The following RERG variants were observed in gnomAD, a reference collection of about 807,000 sequenced individuals.
The protein encoded by RERG is RAS like estrogen regulated growth inhibitor.
RERG carries 25 observed loss-of-function variants against 23.2 expected under a neutral mutation model. The ratio of observed to expected loss-of-function variants is 1.08; its 90% CI spans 0.79 to 1.50. The LOEUF (loss-of-function observed/expected upper bound fraction) is 1.50. Among genes scored for constraint, RERG ranks in the 40% most tolerant of loss-of-function variants. RERG has a pLI of 0.00. For missense variants in RERG, 253 were observed against 250.1 expected (o/e 1.01, Z -0.08); for synonymous variants, 81 against 89.1 (o/e 0.91, Z 0.51).
intron 3 of RERG, among the ~76,000 whole-genome samples, chr12:15,119,021 C>G (rs1863783136): frequency 6.7e-6 from 1 of 150,138 alleles, no homozygotes; most frequent in South Asian, 2.1e-4. Flanking sequence ...GGATGGAGAA[C>G]CCCTCTATGC....
At chr12:15,201,876 T>A (rs1865222507) in intron 2 of RERG, among the ~76,000 whole-genome samples, 1 of 151,672 alleles carries the variant, frequency 6.6e-6, no homozygotes, top group South Asian at 2.1e-4. Flanking sequence ...CAAAGTTAAA[T>A]AAGCTGATCA....
In RERG at chr12:15,109,281, A is replaced by C. The variant is rs141983767; in HGVS notation, c.429T>G (p.Ala143=). The C allele has an allele frequency of 6.2e-7, 1 of 1,614,046 alleles. No individual in the cohort carries two copies. The highest frequency in any genetic ancestry group is 8.5e-7 in the Non-Finnish European group (1 of 1,180,010). ...CAGTGCAGGCAGAGCACTCGTAAAA[A>C]GCACAAGCCAATTCTGTGGCCAGCT... is the stretch of plus-strand genomic sequence containing the variant. The part of the protein sequence containing the change: ...GEKLATELAC[A]FYECSACTGE... Residue 143 remains alanine (A), a synonymous_variant, in exon 5 of 5, where the codon GCT becomes GCG. Coordinates refer to ENST00000256953, the MANE Select transcript of RERG (RefSeq NM_032918.3).
At chr12:15,128,475 G>A (rs1483730112) in intron 2 of RERG, among the ~76,000 whole-genome samples, 1 of 152,162 alleles carries the variant, frequency 6.6e-6, no homozygotes, top group African/African-American at 2.4e-5. Context: ...AAGAAAATAA[G>A]ATACAGTTTC....
chr12:15,219,903 TAAGAA>T (rs966762900), intron 1 of RERG, among the ~76,000 whole-genome samples: 6 of 152,160 alleles, frequency 3.9e-5, no homozygotes, highest in African/African-American at 1.4e-4. Flanking sequence ...GAATTTCACA[TAAGAA>T]AGAGAAATTG....
intron 2 of RERG, among the ~76,000 whole-genome samples, chr12:15,121,609 G>C (rs946333495): frequency 6.6e-6 from 1 of 152,188 alleles, no homozygotes; most frequent in African/African-American, 2.4e-5. Flanking sequence ...TTTTATTAGA[G>C]ATCTGTGAAA....
chr12:15,127,336 T>G (rs542418915), intron 2 of RERG, among the ~76,000 whole-genome samples: 2 of 152,242 alleles, frequency 1.3e-5, no homozygotes, highest in Non-Finnish European at 2.9e-5. Context: ...TTAAGCTATG[T>G]GGCTCCACTA....
At chr12:15,130,860 T>G (rs1864033615) in intron 2 of RERG, among the ~76,000 whole-genome samples, 1 of 152,150 alleles carries the variant, frequency 6.6e-6, no homozygotes, top group Admixed American at 6.5e-5. Flanking sequence ...AACACTTTTG[T>G]TTTTGAAAAT....
At chr12:15,219,131 T>C (rs1032112848) in intron 1 of RERG, among the ~76,000 whole-genome samples, 6 of 152,196 alleles carry the variant, frequency 3.9e-5, no homozygotes, top group African/African-American at 1.2e-4. Flanking sequence ...CCAGTCTGCA[T>C]AATTCATTCC....
chr12:15,183,781 GA>G (rs1864956002), intron 2 of RERG, among the ~76,000 whole-genome samples: 1 of 152,134 alleles, frequency 6.6e-6, no homozygotes, highest in Admixed American at 6.5e-5. Flanking sequence ...GAATAGTGTG[GA>G]AAGCAAAGGG....
chr12:15,190,314 TA>T (rs1409273790), intron 2 of RERG, among the ~76,000 whole-genome samples: 3 of 152,036 alleles, frequency 2.0e-5, no homozygotes, highest in African/African-American at 4.8e-5. Flanking sequence ...TGATAAACTT[TA>T]AAAAAATCAC....
At chr12:15,123,628 A>T (rs12427393) in intron 2 of RERG, among the ~76,000 whole-genome samples, 1 of 123,936 alleles carries the variant, frequency 8.1e-6, no homozygotes, top group Non-Finnish European at 1.7e-5. Flanking sequence ...AATAAATATT[A>T]AAACTTATTA....
intron 3 of RERG, among the ~76,000 whole-genome samples, chr12:15,113,516 T>C (rs1863662680): frequency 6.6e-6 from 1 of 151,992 alleles, no homozygotes; most frequent in Non-Finnish European, 1.5e-5. Flanking sequence ...TTCAAACTCA[T>C]AAGTTCTGCA....
rs1055151 is a variant in RERG, at chr12:15,109,245, G to A, written c.465C>T (p.Asn155=). The part of the protein sequence containing the change: ...YECSACTGEG[N]ITEIFYELCR... ...ACAATTCATAGAATATCTCTGTGAT[G>A]TTCCCTTCTCCAGTGCAGGCAGAGC... Residue 155 remains asparagine (N), a synonymous_variant, in exon 5 of 5, where the codon AAC becomes AAT. Transcript: ENST00000256953. 0.3 allele frequency: 476,104 copies of A among 1,613,778 alleles called. 71,723 individuals are homozygous for A. The highest frequency in any genetic ancestry group is 0.37 in the Middle Eastern group (2,227 of 6,058).
At chr12:15,130,070 C>T (rs1167786699) in intron 2 of RERG, among the ~76,000 whole-genome samples, 2 of 152,130 alleles carry the variant, frequency 1.3e-5, no homozygotes, top group Non-Finnish European at 2.9e-5. Flanking sequence ...TTAATGAAAA[C>T]ATAATGTAGA....
chr12:15,121,135 G>A lies in RERG; in HGVS notation c.62-16C>T. ...ACTACAAGAGCTGTGGAAGAAAAGA[G>A]CAACATTTCAAAAAATAATTTGTTA... On this transcript the variant is annotated splice_polypyrimidine_tract_variant and intron_variant, in intron 2 of 4. Transcript: ENST00000256953. 6.2e-7 allele frequency: 1 copy of A among 1,607,274 alleles called. No individual in the cohort carries two copies. Among genetic ancestry groups the A allele is most frequent in the Non-Finnish European group, 8.5e-7 (1 of 1,174,650 alleles).
At chr12:15,114,612 C>T (rs1863686441) in intron 3 of RERG, 1 of 152,186 alleles carries the variant, frequency 6.6e-6, no homozygotes, top group Non-Finnish European at 1.5e-5. Context: ...AGCTTCTCTA[C>T]ACCGACAATG....
At chr12:15,133,730 T>TTG (rs995624212) in intron 2 of RERG, among the ~76,000 whole-genome samples, 1 of 151,476 alleles carries the variant, frequency 6.6e-6, no homozygotes. Context: ...GAGAGGTTTT[T>TTG]TTTTTTTTTT....
rs139524930 is a variant in RERG at position 15,195,339 on chromosome 12, G to A, written c.61+22090C>T. ...CCTCCCCTTTCCACCTCTCACACAA[G>A]TGGCACTGCTCAGAATGCCAAGGGT... is the stretch of plus-strand genomic sequence containing the variant. On this transcript the variant is annotated intron_variant, in intron 2 of 4. Coordinates refer to ENST00000256953, the MANE Select transcript of RERG (RefSeq NM_032918.3). Among the ~76,000 whole-genome samples the A allele has an allele frequency of 4.5e-3, 686 of 152,192 alleles. 3 individuals are homozygous for A. The highest frequency in any genetic ancestry group is 0.01 in the Middle Eastern group (3 of 294).
In RERG at chr12:15,115,946, G is replaced by T. The variant is rs374106732; in HGVS notation, c.119-4529C>A. ...TCCAAAAAGTAAAATTTAAAAATTA[G>T]ATTATGTTCAATATTTTAATAAGTG... On this transcript the variant is annotated intron_variant, in intron 3 of 4. Coordinates refer to ENST00000256953, the MANE Select transcript of RERG (RefSeq NM_032918.3). Among the ~76,000 whole-genome samples the T allele has an allele frequency of 1.1e-4, 16 of 152,140 alleles. No individual in the cohort carries two copies. In the East Asian group the frequency reaches 1.2e-3, roughly 11 times the overall value.
Sources: gnomAD v4.1 joint callset for allele counts (sites outside exome capture counted in the v4.1 genomes callset) on GRCh38, gnomAD v4.1.1 for gene constraint, MANE v1.5 for transcripts, NCBI Gene and HGNC (gene_info 2026-07-23, HGNC 2026-07-21) for gene names.